Variants in ATP11C observed in about 807,000 individuals in gnomAD.
ATP11C encodes phospholipid-transporting ATPase IG.
In ATP11C, 36 loss-of-function variants were observed where a neutral mutation model predicts 97.4. That is an observed-to-expected ratio of 0.37 (90% CI 0.28 to 0.49). The LOEUF is 0.49. Ranked by LOEUF, ATP11C falls within the 20% of genes least tolerant of loss-of-function variation. The pLI is 0.98. For missense variants in ATP11C, 730 were observed against 824.6 expected (o/e 0.89, Z 1.40); for synonymous variants, 275 against 290.9 (o/e 0.95, Z 0.56).
intron 20 of ATP11C, among the ~76,000 whole-genome samples, chrX:139,767,710 G>GA (rs1170358194): frequency 2.7e-5 from 3 of 111,487 alleles, no homozygotes; most frequent in African/African-American, 9.8e-5. Context: ...CTTTGCCCTA[G>GA]AAAAAACAGA....
rs2148599474 is a variant in ATP11C at position 139,728,648 on chromosome X, C to T, written c.*318G>A. 1 of 275,722 alleles carries T rather than the reference C, an allele frequency of 3.6e-6. No homozygotes were observed. Among genetic ancestry groups the T allele is most frequent in the East Asian group, 5.3e-5 (1 of 18,877 alleles). The allele number at this position is 275,722 out of a possible 1,213,427, so 22.7% of individuals were successfully genotyped here. A position where few individuals can be genotyped will look rare whatever the true frequency, so the allele number is the denominator to read the frequency against. ...TCACAAAGTTCATGGGTTAAAAGAG[C>T]ACCCATTTGAGTTATATTACTCTAA... On this transcript the variant is annotated 3_prime_UTR_variant, in exon 30 of 30. Coordinates refer to ENST00000682941, the MANE Select transcript of ATP11C (RefSeq NM_001353812.2).
chrX:139,846,080 T>C (rs1389386152), intron 1 of ATP11C, among the ~76,000 whole-genome samples: 1 of 111,968 alleles, frequency 8.9e-6, no homozygotes. Flanking sequence ...AAAGAAAAGT[T>C]GCAATAAAGG....
In ATP11C at chrX:139,750,043, G is replaced by A; in HGVS notation, c.2810C>T (p.Ser937Leu). ...AACTTACATATACAATCGGGGATCT[G>A]AGGTCAGAGTGTCAATGTTGATGTG... ...EQHINIDTLT[S>L]DPRLYMKISG... is the part of the protein sequence containing the mutation. The change falls in exon 24 of 30, where the codon TCA becomes TTA. Residue 937 changes from serine (S) to leucine (L), a missense_variant. Physicochemically the swap from Ser to Leu is moderately radical, Grantham distance 145 (BLOSUM62 -2). Coordinates refer to ENST00000682941, the MANE Select transcript of ATP11C (RefSeq NM_001353812.2). 1 of 1,203,567 alleles carries A rather than the reference G, an allele frequency of 8.3e-7. No homozygotes were observed. Among genetic ancestry groups the A allele is most frequent in the Non-Finnish European group, 1.1e-6 (1 of 889,749 alleles).
chrX:139,780,940 G>A (rs1040371712), intron 18 of ATP11C, among the ~76,000 whole-genome samples: 7 of 111,246 alleles, frequency 6.3e-5, no homozygotes, highest in African/African-American at 2.3e-4. Context: ...AAGACGGGAG[G>A]GGAGTGAGGG....
At position 139,864,745 on chromosome X, in the gene ATP11C, C is replaced by A. The variant is rs138133265; in HGVS notation, c.28-37922G>T. On this transcript the variant is annotated intron_variant, in intron 1 of 29. Coordinates refer to ENST00000682941, the MANE Select transcript of ATP11C (RefSeq NM_001353812.2). ...TACTTTTGACAGATGGAGCTTAGTA[C>A]ACATACAGTTTCACTTTCCAAGAAA... 4.5e-3 allele frequency among the ~76,000 whole-genome samples: 503 copies of A among 112,393 alleles called. 5 individuals carry two copies. Among genetic ancestry groups the A allele is most frequent in the African/African-American group, 0.015 (453 of 30,979 alleles).
chrX:139,836,997 AACACACACACACAT>A (rs1386447783), intron 1 of ATP11C, among the ~76,000 whole-genome samples: 4 of 110,510 alleles, frequency 3.6e-5, no homozygotes, highest in Admixed American at 1.9e-4. Context: ...GTAAAATGAA[AACACACACACACAT>A]ACACACACAC....
chrX:139,913,940 G>A (rs2092854844), intron 1 of ATP11C, among the ~76,000 whole-genome samples: 1 of 111,825 alleles, frequency 8.9e-6, no homozygotes, highest in Admixed American at 9.6e-5. Flanking sequence ...GAAATTTGGG[G>A]TAGAATACCG....
chrX:139,859,666 C>T (rs948457035), intron 1 of ATP11C, among the ~76,000 whole-genome samples: 3 of 111,903 alleles, frequency 2.7e-5, no homozygotes, highest in East Asian at 5.6e-4. Context: ...CTTTATGAAA[C>T]GGAATGAAGG....
chrX:139,880,082 A>G (rs925823950), intron 1 of ATP11C, among the ~76,000 whole-genome samples: 1 of 111,517 alleles, frequency 9.0e-6, no homozygotes, highest in African/African-American at 3.3e-5. Flanking sequence ...AGAAAAAAAA[A>G]ACACCTTCTT....
chrX:139,761,476 C>T (rs1056595319), intron 22 of ATP11C, among the ~76,000 whole-genome samples: 1 of 111,275 alleles, frequency 9.0e-6, no homozygotes, highest in African/African-American at 3.3e-5. Context: ...TTAGAAATGA[C>T]TGCAAAAATT....
chrX:139,859,946 CAA>C (rs1174182010), intron 1 of ATP11C, among the ~76,000 whole-genome samples: 1 of 92,451 alleles, frequency 1.1e-5, no homozygotes, highest in Non-Finnish European at 1.9e-5. Flanking sequence ...ACTAAAAATA[CAA>C]AAAAAAATTA....
chrX:139,891,517 C>G (rs2084730952), intron 1 of ATP11C, among the ~76,000 whole-genome samples: 1 of 111,792 alleles, frequency 8.9e-6, no homozygotes, highest in Admixed American at 9.6e-5. Flanking sequence ...TCTAGCTAGC[C>G]ATCATGATTG....
intron 5 of ATP11C, among the ~76,000 whole-genome samples, chrX:139,814,486 A>C (rs958255846): frequency 2.7e-5 from 3 of 112,246 alleles, no homozygotes; most frequent in African/African-American, 9.7e-5. Flanking sequence ...AACAACCCAA[A>C]TGTCCATCAG....
At chrX:139,917,619 T>C (rs1220433260) in intron 1 of ATP11C, among the ~76,000 whole-genome samples, 1 of 111,236 alleles carries the variant, frequency 9.0e-6, no homozygotes, top group Non-Finnish European at 1.9e-5. Flanking sequence ...ATCCAAGAAA[T>C]GCAAATCAAA....
chrX:139,915,432 G>A (rs1204279176), intron 1 of ATP11C, among the ~76,000 whole-genome samples: 1 of 111,523 alleles, frequency 9.0e-6, no homozygotes, highest in Non-Finnish European at 1.9e-5. Flanking sequence ...CACTTTGGGA[G>A]GCCGAGGCAG....
At chrX:139,761,008 G>GC (rs2082026674) in intron 22 of ATP11C, among the ~76,000 whole-genome samples, 1 of 111,628 alleles carries the variant, frequency 9.0e-6, no homozygotes, top group African/African-American at 3.3e-5. Context: ...TTTAGGCCAA[G>GC]CATGGTGGCT....
At chrX:139,929,198 C>T (rs1320327059) in intron 1 of ATP11C, among the ~76,000 whole-genome samples, 1 of 111,666 alleles carries the variant, frequency 9.0e-6, no homozygotes, top group African/African-American at 3.3e-5. Context: ...TTTTATTGCA[C>T]TCAGAGACAT....
intron 1 of ATP11C, among the ~76,000 whole-genome samples, chrX:139,841,655 C>T (rs17328703): frequency 0.05 from 5,661 of 112,307 alleles, 238 homozygotes; most frequent in East Asian, 0.29. Context: ...GCTGAGACTA[C>T]AGTGAATCTT....
At chrX:139,892,108 C>T (rs1603412855) in intron 1 of ATP11C, among the ~76,000 whole-genome samples, 1 of 111,690 alleles carries the variant, frequency 9.0e-6, no homozygotes, top group East Asian at 2.8e-4. Context: ...CTGCCTGTGT[C>T]GGCCTCCCAA....
Sources: allele counts gnomAD v4.1 joint callset (sites outside exome capture counted in the v4.1 genomes callset), GRCh38; gene constraint gnomAD v4.1.1; transcripts MANE v1.5; gene names NCBI Gene and HGNC (gene_info 2026-07-23, HGNC 2026-07-21).